ARHGAP42: variants seen among roughly 807,000 people sequenced by gnomAD.
ARHGAP42 encodes the protein rho GTPase-activating protein 42.
A neutral mutation model predicts 125.0 loss-of-function variants in ARHGAP42; 63 were observed. The observed-to-expected ratio is 0.50, with a 90% CI of 0.41 to 0.62. ARHGAP42 has a LOEUF of 0.62. Ranked by LOEUF, ARHGAP42 falls within the 20% of genes least tolerant of loss-of-function variation. ARHGAP42 has a pLI of 0.00. For synonymous variants in ARHGAP42, 339 were observed against 351.0 expected (o/e 0.97, Z 0.38); for missense variants, 766 against 1,024.2 (o/e 0.75, Z 3.44).
rs143461552 is a variant in ARHGAP42 at position 100,875,073 on chromosome 11, GTCTCTCTC to G, written c.384+15476_384+15483del. ...AACTGCTGACTAAATCTAATCCACT[GTCTCTCTC>G]TCTCTCTCTCTCTCTCTCTCTCTCT... On this transcript the variant is annotated intron_variant, in intron 4 of 23. Transcript: ENST00000298815. Among the ~76,000 whole-genome samples, 307 of 110,488 alleles carry G rather than the reference GTCTCTCTC, an allele frequency of 2.8e-3. 1 individual carries two copies. Among genetic ancestry groups the G allele is most frequent in the Middle Eastern group, 5.0e-3 (1 of 202 alleles). The allele number at this position is 110,488 out of a possible 152,430, so 72.5% of individuals were successfully genotyped here. A position where few individuals can be genotyped will look rare whatever the true frequency, so the allele number is the denominator to read the frequency against.
At chr11:100,858,756 G>A (rs1865380798) in intron 3 of ARHGAP42, among the ~76,000 whole-genome samples, 1 of 151,938 alleles carries the variant, frequency 6.6e-6, no homozygotes, top group Non-Finnish European at 1.5e-5. Context: ...TTGTCATAGT[G>A]GTAGAACAAA....
At chr11:100,867,802 TC>T (rs1167226336) in intron 4 of ARHGAP42, among the ~76,000 whole-genome samples, 1 of 152,204 alleles carries the variant, frequency 6.6e-6, no homozygotes, top group Non-Finnish European at 1.5e-5. Context: ...CTTAATGATT[TC>T]TAGCTTTTGA....
At chr11:100,983,666 ACTT>A (rs1858599900) in intron 22 of ARHGAP42, among the ~76,000 whole-genome samples, 1 of 152,164 alleles carries the variant, frequency 6.6e-6, no homozygotes, top group Non-Finnish European at 1.5e-5. Context: ...TCACTTTTTC[ACTT>A]CTTTTTCAAT....
At chr11:100,760,361 A>G (rs1327429393) in intron 1 of ARHGAP42, among the ~76,000 whole-genome samples, 1 of 152,188 alleles carries the variant, frequency 6.6e-6, no homozygotes, top group African/African-American at 2.4e-5. Flanking sequence ...GAAAGATGAC[A>G]TCTTTCACTA....
intron 4 of ARHGAP42, among the ~76,000 whole-genome samples, chr11:100,910,666 C>T (rs116534249): frequency 0.014 from 2,081 of 151,116 alleles, 78 homozygotes; most frequent in African/African-American, 0.048. Context: ...ACTTGGCTTA[C>T]ATGAGCAGTA....
At chr11:100,748,940 CTG>C (rs1862371669) in intron 1 of ARHGAP42, among the ~76,000 whole-genome samples, 1 of 152,118 alleles carries the variant, frequency 6.6e-6, no homozygotes, top group African/African-American at 2.4e-5. Flanking sequence ...CTCTCTGACT[CTG>C]TCTCTTTCTC....
chr11:100,898,882 A>G (rs1367116184), intron 4 of ARHGAP42, among the ~76,000 whole-genome samples: 2 of 151,956 alleles, frequency 1.3e-5, no homozygotes, highest in Non-Finnish European at 2.9e-5. Context: ...TGGTTCTGCT[A>G]GCTTTTGAAT....
chr11:100,804,837 TG>T (rs1373839662), intron 3 of ARHGAP42, among the ~76,000 whole-genome samples: 1 of 152,222 alleles, frequency 6.6e-6, no homozygotes, highest in Non-Finnish European at 1.5e-5. Context: ...GAAAAAAGTG[TG>T]TCGGTAACGT....
intron 11 of ARHGAP42, among the ~76,000 whole-genome samples, chr11:100,949,585 G>A (rs1193005833): frequency 2.6e-5 from 4 of 152,112 alleles, no homozygotes; most frequent in African/African-American, 2.4e-5. Flanking sequence ...TTGGAAGAAG[G>A]AGCAATTCCG....
Position 100,913,503 on chromosome 11 carries a change from G to A in ARHGAP42, c.436G>A (p.Glu146Lys). 1 of 1,298,670 alleles carries A rather than the reference G, an allele frequency of 7.7e-7. No individual in the cohort carries two copies. Among genetic ancestry groups the A allele is most frequent in the Non-Finnish European group, 1.0e-6 (1 of 986,656 alleles). 80.4% of individuals were successfully genotyped at this position (1,298,670 alleles called of 1,614,324 possible). Residue 146 changes from glutamate (E) to lysine (K), a missense_variant, in exon 5 of 24, where the codon GAA becomes AAA. Coordinates refer to ENST00000298815, the MANE Select transcript of ARHGAP42 (RefSeq NM_152432.4). ...KESEKYYSIL[E>K]KHLNLSAKKK... Reference sequence around the variant, plus strand: ...GAGTGAAAAATATTACTCTATCCTTGAAAAGCATTTAAATTTGTCCGCAAA... The same window carrying A: ...GAGTGAAAAATATTACTCTATCCTTAAAAAGCATTTAAATTTGTCCGCAAA...
chr11:100,736,038 G>A (rs1295512150), intron 1 of ARHGAP42, among the ~76,000 whole-genome samples: 2 of 152,192 alleles, frequency 1.3e-5, no homozygotes, highest in Non-Finnish European at 1.5e-5. Context: ...AGAAAGGAAA[G>A]GATAGTTTTC....
At chr11:100,776,153 C>A in intron 2 of ARHGAP42, among the ~76,000 whole-genome samples, 1 of 85,466 alleles carries the variant, frequency 1.2e-5, no homozygotes. Context: ...GAGCAAAACT[C>A]CATTTCAAAA....
chr11:100,920,458 A>G (rs1245383649), intron 5 of ARHGAP42, among the ~76,000 whole-genome samples: 1 of 152,124 alleles, frequency 6.6e-6, no homozygotes, highest in Non-Finnish European at 1.5e-5. Flanking sequence ...TGAAACCACC[A>G]TTATAAATGG....
chr11:100,867,556 C>A (rs983187393), intron 4 of ARHGAP42, among the ~76,000 whole-genome samples: 2 of 152,198 alleles, frequency 1.3e-5, no homozygotes, highest in African/African-American at 2.4e-5. Flanking sequence ...GAGTTAGGAC[C>A]GTGCTCTGGA....
chr11:100,971,241 T>C (rs1858236887), intron 17 of ARHGAP42, among the ~76,000 whole-genome samples: 1 of 152,182 alleles, frequency 6.6e-6, no homozygotes, highest in African/African-American at 2.4e-5. Context: ...ATAATAATTT[T>C]TATCCTTTAT....
intron 2 of ARHGAP42, among the ~76,000 whole-genome samples, chr11:100,779,528 G>GTATGTATACGTATATATATA (rs1565210609): frequency 1.2e-5 from 1 of 86,278 alleles, no homozygotes; most frequent in African/African-American, 3.9e-5. Flanking sequence ...ACGTATACAT[G>GTATGTATACGTATATATATA]CGTATATATA....
intron 2 of ARHGAP42, among the ~76,000 whole-genome samples, chr11:100,775,814 A>G (rs1482163815): frequency 6.6e-6 from 1 of 152,234 alleles, no homozygotes; most frequent in Non-Finnish European, 1.5e-5. Flanking sequence ...ATAATTTGAA[A>G]TCATTTTAAA....
At chr11:100,859,730 T>C in intron 4 of ARHGAP42, 105 bp downstream of exon 4, 1 of 900,322 alleles carries the variant, frequency 1.1e-6, no homozygotes, top group South Asian at 2.2e-5. Context: ...TTTAAAAGAT[T>C]TTGTACATCA....
chr11:100,978,942 A>C (rs10791440), intron 21 of ARHGAP42, 45 bp from the exon 22 acceptor site: 427,960 of 1,537,102 alleles, frequency 0.28, 70,600 homozygotes, highest in East Asian at 0.74. Context: ...AGCAGAACTG[A>C]ATGTGATTGA....
Sources: allele counts gnomAD v4.1 joint callset (sites outside exome capture counted in the v4.1 genomes callset), GRCh38; gene constraint gnomAD v4.1.1; transcripts MANE v1.5; gene names NCBI Gene and HGNC (gene_info 2026-07-23, HGNC 2026-07-21).